Variants in SLC12A4 observed in about 807,000 individuals in gnomAD.
SLC12A4 encodes electroneutral potassium-chloride cotransporter 1.
Under a neutral mutation model 119.2 loss-of-function variants are expected in SLC12A4, and 84 were observed. The ratio of observed to expected loss-of-function variants is 0.70; its 90% CI spans 0.59 to 0.85. The LOEUF is 0.85. Among genes scored for constraint, SLC12A4 ranks in the 40% least tolerant of loss-of-function variants. The pLI, the probability that SLC12A4 is intolerant of heterozygous loss-of-function variation, is 0.00. For missense variants in SLC12A4, 1,298 were observed against 1,476.3 expected (o/e 0.88, Z 1.98); for synonymous variants, 599 against 604.6 (o/e 0.99, Z 0.14).
In SLC12A4 at chr16:67,944,937, G is replaced by C; in HGVS notation, c.3167-6C>G. The C allele has an allele frequency of 6.2e-7, 1 of 1,613,266 alleles. No homozygotes were observed. Among genetic ancestry groups the C allele is most frequent in the Non-Finnish European group, 8.5e-7 (1 of 1,179,954 alleles). On this transcript the variant is annotated splice_polypyrimidine_tract_variant and splice_region_variant and intron_variant, in intron 23 of 23. Transcript: ENST00000316341. This position sits in a 1 kb window ranked among gnomAD's most constrained non-coding sequence, Gnocchi z 6.6. ...CACCTCGAGGAACTCCATGTCTGCA[G>C]GGCCTCAAGTCAAGGAGGCAACAAC...
chr16:67,946,396 C>T (rs2058350295), intron 18 of SLC12A4, 42 bp downstream of exon 18: 1 of 1,603,016 alleles, frequency 6.2e-7, no homozygotes, highest in African/African-American at 1.3e-5. Flanking sequence ...CCACTGCCAC[C>T]TCACTTCACC....
chr16:67,951,399 G>A lies in SLC12A4; in HGVS notation c.1133-95C>T, dbSNP rs2058414718. The A allele has an allele frequency of 7.2e-7, 1 of 1,395,710 alleles. No individual in the cohort carries two copies. The highest frequency in any genetic ancestry group is 9.7e-7 in the Non-Finnish European group (1 of 1,027,164). The allele number at this position is 1,395,710 out of a possible 1,614,324, so 86.5% of individuals were successfully genotyped here. On this transcript the variant is annotated intron_variant, in intron 8 of 23. Coordinates refer to ENST00000316341, the MANE Select transcript of SLC12A4 (RefSeq NM_005072.5). This position sits in a 1 kb window ranked among gnomAD's most constrained non-coding sequence, Gnocchi z 5.2. ...AGAGGCGCAGATGCAGGGCAACTTT[G>A]GGGACTCAGGGAACAGCTTCAGCCC...
In SLC12A4 at chr16:67,947,651, G is replaced by T; in HGVS notation, c.1967+18C>A. 6.3e-7 allele frequency: 1 copy of T among 1,590,876 alleles called. No homozygotes were observed. The highest frequency in any genetic ancestry group is 8.6e-7 in the Non-Finnish European group (1 of 1,168,900). On this transcript the variant is annotated intron_variant, in intron 15 of 23. Coordinates refer to ENST00000316341, the MANE Select transcript of SLC12A4 (RefSeq NM_005072.5). ...GGCCCCCTCAGCTGGCAGAGGCCAG[G>T]TGGCAGTGCTCACTCACCCTTGGTA...
chr16:67,946,781 A>T (rs2058355946), intron 17 of SLC12A4, 148 bp from the exon 18 acceptor site: 1 of 1,227,582 alleles, frequency 8.1e-7, no homozygotes, highest in Non-Finnish European at 1.1e-6. Context: ...AGTTTTCAAG[A>T]TGGGACTGCT....
chr16:67,968,596 G>GCCGCTGTCCCCA lies in SLC12A4; in HGVS notation c.-44_-43insTGGGGACAGCGG. On this transcript the variant is annotated 5_prime_UTR_variant, in exon 1 of 24. Transcript: ENST00000316341. ...GCCGCACCCGCCGTCCCAGCCGCCC[G>GCCGCTGTCCCCA]CCGCTGTCCCCGCCGCTGTCCCCGC... 1 of 1,394,382 alleles carries GCCGCTGTCCCCA rather than the reference G, an allele frequency of 7.2e-7. No homozygotes were observed. Among genetic ancestry groups the GCCGCTGTCCCCA allele is most frequent in the South Asian group, 1.4e-5 (1 of 73,798 alleles). 86.4% of individuals were successfully genotyped at this position (1,394,382 alleles called of 1,614,324 possible). A position where few individuals can be genotyped will look rare whatever the true frequency, so the allele number is the denominator to read the frequency against.
At position 67,945,399 on chromosome 16, in the gene SLC12A4, T is replaced by A; in HGVS notation, c.3002A>T (p.Asp1001Val). 1.2e-6 allele frequency: 2 copies of A among 1,613,982 alleles called. No homozygotes were observed. The highest frequency in any genetic ancestry group is 1.7e-6 in the Non-Finnish European group (2 of 1,179,952). The change falls in exon 22 of 24, where the codon GAC becomes GTC. Residue 1001 changes from aspartate (D) to valine (V), a missense_variant. Coordinates refer to ENST00000316341, the MANE Select transcript of SLC12A4 (RefSeq NM_005072.5). ...AATGTGCACCAGCTCCCGGAAATTG[T>A]CAGGGGCATGGCTGGGGTCCCAGGT... is the stretch of plus-strand genomic sequence containing the variant. The part of the protein sequence containing the change: ...TETWDPSHAP[D>V]NFRELVHIKP...
Position 67,948,058 on chromosome 16 carries a change from C to T in SLC12A4, c.1847+3G>A. Reference sequence around the variant, plus strand: ...GGTCTCCCGTGTCAGAGGCATGGCTCACCAGTGATAGTACTTGAACCGGGG... The same window carrying T: ...GGTCTCCCGTGTCAGAGGCATGGCTTACCAGTGATAGTACTTGAACCGGGG... On this transcript the variant is annotated splice_donor_region_variant and intron_variant, in intron 14 of 23. Coordinates refer to ENST00000316341, the MANE Select transcript of SLC12A4 (RefSeq NM_005072.5). 6.2e-7 allele frequency: 1 copy of T among 1,613,012 alleles called. No homozygotes were observed. Among genetic ancestry groups the T allele is most frequent in the Non-Finnish European group, 8.5e-7 (1 of 1,179,914 alleles).
In SLC12A4 at chr16:67,946,876, G is replaced by A. The variant is rs376747816; in HGVS notation, c.2241+61C>T. On this transcript the variant is annotated intron_variant, in intron 17 of 23. Transcript: ENST00000316341. ...TGGCCAAGACTGGGCCCTCCCCTCC[G>A]TGCCAGCTGCAGTCCAGACCCCTGT... 8.1e-4 allele frequency: 1,244 copies of A among 1,544,104 alleles called. 13 individuals are homozygous for A. The African/African-American group carries it at 0.014, about 18-fold the overall frequency.
chr16:67,950,674 C>T lies in SLC12A4; in HGVS notation c.1434G>A (p.Glu478=). The change falls in exon 11 of 24, where the codon GAG becomes GAA. Residue 478 remains glutamate, a synonymous_variant. Transcript: ENST00000316341. This position sits in a 1 kb window ranked among gnomAD's most constrained non-coding sequence, Gnocchi z 4.3. Reference sequence around the variant, plus strand: ...CTCACTTGTCCCGGAGAACCACACCCTCAATGCAGGCACCAAAGAGAACCA... The same window carrying T: ...CTCACTTGTCCCGGAGAACCACACCTTCAATGCAGGCACCAAAGAGAACCA... The part of the protein sequence containing the change: ...SSVVLFGACI[E]GVVLRDKYGD... 6.2e-7 allele frequency: 1 copy of T among 1,612,492 alleles called. No individual in the cohort carries two copies. The highest frequency in any genetic ancestry group is 8.5e-7 in the Non-Finnish European group (1 of 1,179,298).
At position 67,963,841 on chromosome 16, in the gene SLC12A4, G is replaced by A. The variant is rs946547462; in HGVS notation, c.116-282C>T. 8.0e-6 allele frequency: 12 copies of A among 1,500,380 alleles called. 1 individual carries two copies. The highest frequency in any genetic ancestry group is 2.0e-5 in the Admixed American group (1 of 49,608). The allele number at this position is 1,500,380 out of a possible 1,614,324, so 92.9% of individuals were successfully genotyped here. On this transcript the variant is annotated intron_variant, in intron 1 of 23. Coordinates refer to ENST00000316341, the MANE Select transcript of SLC12A4 (RefSeq NM_005072.5). ...GCACAAGCACGTATGGACACTGAGG[G>A]ACGGGGCCTGCAGAGGGGCGGGGCC...
Position 67,961,592 on chromosome 16 carries a change from G to A in SLC12A4, c.325C>T (p.Arg109Cys), listed in dbSNP as rs779668711. Residue 109 changes from arginine (R) to cysteine (C), a missense_variant, in exon 3 of 24, where the codon CGC (arginine) becomes TGC (cysteine). Arg to Cys is a radical substitution (Grantham distance 180). Transcript: ENST00000316341. ...CAGCTCACCTCGGCTGCCCTCCGGC[G>A]GGTGCCCTCCCCACTCTCGGCCTCC... The part of the protein sequence containing the change: ...HEEAESGEGT[R>C]RRAAEAPSMG... The A allele has an allele frequency of 8.3e-5, 134 of 1,613,516 alleles. 1 individual carries two copies. The highest frequency in any genetic ancestry group is 1.5e-4 in the African/African-American group (11 of 74,946).
intron 6 of SLC12A4, among the ~76,000 whole-genome samples, chr16:67,953,423 A>G (rs2030057177): frequency 1.3e-5 from 2 of 152,290 alleles, no homozygotes; most frequent in South Asian, 2.1e-4. Context: ...AAATAAGAGT[A>G]CCTAAAAGAA....
In SLC12A4 at chr16:67,943,814, C is replaced by A; in HGVS notation, c.*1026G>T. 1 of 842,762 alleles carries A rather than the reference C, an allele frequency of 1.2e-6. No homozygotes were observed. The allele number at this position is 842,762 out of a possible 1,614,324, so 52.2% of individuals were successfully genotyped here. A position where few individuals can be genotyped will look rare whatever the true frequency, so the allele number is the denominator to read the frequency against. On this transcript the variant is annotated 3_prime_UTR_variant, in exon 24 of 24. Transcript: ENST00000316341. The surrounding 1 kb of genome is among the most constrained non-coding windows in gnomAD (Gnocchi z 4.6). ...TCTAAGGGACAAGCTTTTGGCCCCTCCCCACACCAGGGCAGGTACTTATGT... is the reference window on the plus strand; with the variant it reads ...TCTAAGGGACAAGCTTTTGGCCCCTACCCACACCAGGGCAGGTACTTATGT...
intron 21 of SLC12A4, 72 bp from the exon 22 acceptor site, chr16:67,945,625 AC>A: frequency 1.9e-6 from 3 of 1,542,774 alleles, no homozygotes; most frequent in South Asian, 1.2e-5. Context: ...GCCCAATGTG[AC>A]CACCTTGCCT....
rs139099044 is a variant in SLC12A4, at chr16:67,954,609, T to C, written c.675+34A>G. The C allele has an allele frequency of 1.2e-3, 1,934 of 1,613,438 alleles. 19 individuals carry two copies. The African/African-American group carries it at 0.023, about 19-fold the overall frequency. ...GGAGTCCAAAGGGACTGTTTGGACATGGCCAGAGTTGGCCAGGGCTCAGCC... is the reference window on the plus strand; with the variant it reads ...GGAGTCCAAAGGGACTGTTTGGACACGGCCAGAGTTGGCCAGGGCTCAGCC... On this transcript the variant is annotated intron_variant, in intron 6 of 23. Transcript: ENST00000316341.
In SLC12A4 at chr16:67,950,622, C is replaced by T. The variant is rs1342596805; in HGVS notation, c.1454+32G>A. The stretch of plus-strand genomic sequence containing the variant: ...GTGTGAGGGCAGGCCAAAGCCCAGC[C>T]GCTGCTAAAGAGGGGGGCCCAGCTC... On this transcript the variant is annotated intron_variant, in intron 11 of 23. Coordinates refer to ENST00000316341, the MANE Select transcript of SLC12A4 (RefSeq NM_005072.5). The surrounding 1 kb of genome is among the most constrained non-coding windows in gnomAD (Gnocchi z 4.3). 16 of 1,609,554 alleles carry T rather than the reference C, an allele frequency of 9.9e-6. No homozygotes were observed. The highest frequency in any genetic ancestry group is 2.7e-5 in the African/African-American group (2 of 74,692).
intron 1 of SLC12A4, among the ~76,000 whole-genome samples, chr16:67,964,645 A>G (rs2030779124): frequency 6.6e-6 from 1 of 152,140 alleles, no homozygotes; most frequent in Non-Finnish European, 1.5e-5. Flanking sequence ...CTGACATGAG[A>G]AGGACTGGCA....
chr16:67,958,127 C>T (rs552027940), intron 3 of SLC12A4, 83 bp from the exon 4 acceptor site: 4 of 1,498,224 alleles, frequency 2.7e-6, no homozygotes, highest in South Asian at 1.3e-5. Context: ...TCAGCAGGCC[C>T]CCTCCCCCAG....
At chr16:67,945,327 C>G in intron 22 of SLC12A4, 42 bp downstream of exon 22, 2 of 1,587,208 alleles carry the variant, frequency 1.3e-6, no homozygotes, top group Non-Finnish European at 8.6e-7. Context: ...CACCTCCACC[C>G]CTAGATTCCA....
Sources: gnomAD v4.1 joint callset for allele counts (sites outside exome capture counted in the v4.1 genomes callset) on GRCh38, gnomAD v4.1.1 for gene constraint, Gnocchi (gnomAD v3.1) non-coding constraint, MANE v1.5 for transcripts, NCBI Gene and HGNC (gene_info 2026-07-23, HGNC 2026-07-21) for gene names.